CCDC196: variants seen among roughly 807,000 people sequenced by gnomAD.
CCDC196 encodes the protein coiled-coil domain-containing protein 196.
At chr14:66,489,794 C>A (rs1227638102) in intron 4 of CCDC196, among the ~76,000 whole-genome samples, 1 of 152,074 alleles carries the variant, frequency 6.6e-6, no homozygotes, top group African/African-American at 2.4e-5. Context: ...CAGCAATCAC[C>A]ACATTGTTTA....
At chr14:66,490,364 C>T (rs1224762504) in intron 4 of CCDC196, among the ~76,000 whole-genome samples, 1 of 152,134 alleles carries the variant, frequency 6.6e-6, no homozygotes, top group African/African-American at 2.4e-5. Context: ...TAACCCTAAA[C>T]AAATAACCTC....
chr14:66,495,436 C>G (rs1317523927), intron 8 of CCDC196, among the ~76,000 whole-genome samples: 1 of 152,146 alleles, frequency 6.6e-6, no homozygotes, highest in Non-Finnish European at 1.5e-5. Context: ...GAACAAGAAA[C>G]AAGCTCAGAG....
At chr14:66,488,378 T>C (rs2057458268) in intron 3 of CCDC196, 122 bp downstream of exon 3, 1 of 396,176 alleles carries the variant, frequency 2.5e-6, no homozygotes, top group Non-Finnish European at 4.5e-6. Flanking sequence ...AACACTCATA[T>C]CTCCTTGATC....
chr14:66,494,568 A>C (rs896266666), intron 8 of CCDC196: 21 of 152,328 alleles, frequency 1.4e-4, no homozygotes, highest in African/African-American at 4.6e-4. Flanking sequence ...CATTCCTTGA[A>C]AATAAAATTT....
intron 8 of CCDC196, chr14:66,495,862 C>T (rs1594747298): frequency 6.3e-6 from 1 of 158,758 alleles, no homozygotes; most frequent in East Asian, 1.8e-4. Context: ...TTACTGGCAG[C>T]CTTGATTAGA....
intron 8 of CCDC196, among the ~76,000 whole-genome samples, chr14:66,493,596 T>C (rs2057593672): frequency 6.6e-6 from 1 of 152,226 alleles, no homozygotes; most frequent in Non-Finnish European, 1.5e-5. Context: ...TAAAAAGATA[T>C]TAATCTGAAA....
At chr14:66,494,296 A>G (rs576894105) in intron 8 of CCDC196, among the ~76,000 whole-genome samples, 11 of 152,330 alleles carry the variant, frequency 7.2e-5, no homozygotes, top group South Asian at 2.1e-4. Flanking sequence ...TTTGAGCCCA[A>G]GTGGATTTGA....
rs186644155 is a variant in CCDC196, at chr14:66,495,665, A to C, written c.716-2444A>C. 3.9e-5 allele frequency: 6 copies of C among 152,558 alleles called. No homozygotes were observed. The East Asian group carries it at 9.6e-4, about 25-fold the overall frequency. 9.5% of individuals were successfully genotyped at this position (152,558 alleles called of 1,614,324 possible). ...AAAATGTTAACTCTGCATTTAGCCC[A>C]GTAGGTGGCACCAACCACATCCAGG... On this transcript the variant is annotated intron_variant, in intron 8 of 9. Coordinates refer to ENST00000636229, the MANE Select transcript of CCDC196 (RefSeq NM_001351576.1).
In CCDC196 at chr14:66,486,644, C is replaced by T. The variant is rs2057405952; in HGVS notation, c.51-13C>T. ...CAGGCTAAAGGCAGATATTATTGTG[C>T]CTCTTCCCACAGAAGTTCTAAAATA... On this transcript the variant is annotated splice_polypyrimidine_tract_variant and intron_variant, in intron 1 of 9. Transcript: ENST00000636229. 4.8e-6 allele frequency: 2 copies of T among 413,252 alleles called. No individual in the cohort carries two copies. The highest frequency in any genetic ancestry group is 4.1e-5 in the African/African-American group (2 of 48,646). 25.6% of individuals were successfully genotyped at this position (413,252 alleles called of 1,614,324 possible).
At chr14:66,488,926 C>T (rs2057471803) in intron 3 of CCDC196, 61 bp from the exon 4 acceptor site, 2 of 412,818 alleles carry the variant, frequency 4.8e-6, no homozygotes, top group Non-Finnish European at 8.9e-6. Context: ...TTCTTCCAAA[C>T]CCACTTCAAT....
chr14:66,494,032 A>G (rs1176834045), intron 8 of CCDC196: 1 of 152,178 alleles, frequency 6.6e-6, no homozygotes, highest in African/African-American at 2.4e-5. Context: ...GTCTCAGGAG[A>G]TATTTTTTCT....
chr14:66,494,003 G>C (rs1438105702), intron 8 of CCDC196: 1 of 151,932 alleles, frequency 6.6e-6, no homozygotes, highest in African/African-American at 2.4e-5. Context: ...AGTAAATAAG[G>C]GTTCCATTCA....
At chr14:66,497,151 T>C (rs192250280) in intron 8 of CCDC196, among the ~76,000 whole-genome samples, 14 of 152,276 alleles carry the variant, frequency 9.2e-5, no homozygotes, top group Admixed American at 9.2e-4. Context: ...AGCAGTACTG[T>C]TGCTTTCAAG....
At chr14:66,487,610 C>G (rs1192575789) in intron 2 of CCDC196, among the ~76,000 whole-genome samples, 1 of 152,180 alleles carries the variant, frequency 6.6e-6, no homozygotes, top group African/African-American at 2.4e-5. Flanking sequence ...TCCTCTCTCA[C>G]AAGGACTTGA....
At chr14:66,488,724 C>T (rs2057466102) in intron 3 of CCDC196, among the ~76,000 whole-genome samples, 2 of 152,002 alleles carry the variant, frequency 1.3e-5, no homozygotes, top group South Asian at 4.1e-4. Context: ...GTGTTAGGAA[C>T]TCATTTCTAT....
chr14:66,497,011 A>G (rs1471746575), intron 8 of CCDC196: 1 of 152,190 alleles, frequency 6.6e-6, no homozygotes, highest in East Asian at 1.9e-4. Context: ...ACTTCACTTT[A>G]GTATTATTCT....
intron 8 of CCDC196, among the ~76,000 whole-genome samples, chr14:66,495,190 G>T (rs2057633727): frequency 6.6e-6 from 1 of 152,022 alleles, no homozygotes; most frequent in Non-Finnish European, 1.5e-5. Flanking sequence ...TATCCCAATT[G>T]CCACCTAAAA....
intron 8 of CCDC196, among the ~76,000 whole-genome samples, chr14:66,495,056 T>G (rs2139608843): frequency 1.3e-5 from 2 of 151,890 alleles, no homozygotes; most frequent in South Asian, 2.1e-4. Context: ...TAGAGAACTT[T>G]AAAGAAAGCC....
rs2057409871 is a variant in CCDC196 at position 66,486,735 on chromosome 14, G to T, written c.129G>T (p.Met43Ile). ...TAAGGAAGCAGGAACTGCTAGAGATGCTCAAACCTCTAGAAGATAAAAACA... is the reference window on the plus strand; with the variant it reads ...TAAGGAAGCAGGAACTGCTAGAGATTCTCAAACCTCTAGAAGATAAAAACA... ...LKLRKQELLE[M>I]LKPLEDKNNL... Residue 43 changes from methionine to isoleucine, a missense_variant, in exon 2 of 10, where the codon ATG becomes ATT. Coordinates refer to ENST00000636229, the MANE Select transcript of CCDC196 (RefSeq NM_001351576.1). The T allele has an allele frequency of 4.8e-6, 2 of 413,330 alleles. No homozygotes were observed. The highest frequency in any genetic ancestry group is 4.4e-5 in the Admixed American group (1 of 22,714). 25.6% of individuals were successfully genotyped at this position (413,330 alleles called of 1,614,324 possible). A position where few individuals can be genotyped will look rare whatever the true frequency, so the allele number is the denominator to read the frequency against.
Sources: allele counts gnomAD v4.1 joint callset (sites outside exome capture counted in the v4.1 genomes callset), GRCh38; gene constraint gnomAD v4.1.1; transcripts MANE v1.5; gene names NCBI Gene and HGNC (gene_info 2026-07-23, HGNC 2026-07-21).